Variants in MSRA observed in about 807,000 individuals in gnomAD.
MSRA encodes the protein mitochondrial peptide methionine sulfoxide reductase.
In MSRA, 54 loss-of-function variants were observed where a neutral mutation model predicts 31.3. That is an observed-to-expected ratio of 1.73 (90% CI 1.39 to 2.17). The LOEUF (loss-of-function observed/expected upper bound fraction) is 2.17. MSRA is among the 30% of genes most tolerant of loss of function. MSRA has a pLI of 0.00. For synonymous variants in MSRA, 169 were observed against 116.5 expected (o/e 1.45, Z -2.90); for missense variants, 507 against 300.9 (o/e 1.69, Z -5.07).
intron 4 of MSRA, among the ~76,000 whole-genome samples, chr8:10,305,430 T>TTC (rs1320519911): frequency 1.3e-4 from 16 of 125,742 alleles, no homozygotes; most frequent in African/African-American, 4.6e-4. Flanking sequence ...TTTTTTTTTT[T>TTC]CCGGATGGAG....
intron 5 of MSRA, among the ~76,000 whole-genome samples, chr8:10,362,544 G>C (rs1365365212): frequency 1.3e-5 from 2 of 150,808 alleles, no homozygotes; most frequent in Non-Finnish European, 2.9e-5. Flanking sequence ...AGGCCACTGA[G>C]ACATCTCTTT....
chr8:10,202,172 C>G (rs183700150), intron 1 of MSRA, among the ~76,000 whole-genome samples: 1 of 152,216 alleles, frequency 6.6e-6, no homozygotes, highest in South Asian at 2.1e-4. Context: ...CCACCCTTCC[C>G]CCATATCTTA....
At chr8:10,365,765 A>G (rs1467437351) in intron 5 of MSRA, among the ~76,000 whole-genome samples, 1 of 152,198 alleles carries the variant, frequency 6.6e-6, no homozygotes, top group African/African-American at 2.4e-5. Flanking sequence ...TCCTCTCATC[A>G]GGCCTCCTGG....
At chr8:10,082,188 G>C (rs530184288) in intron 1 of MSRA, among the ~76,000 whole-genome samples, 1 of 152,170 alleles carries the variant, frequency 6.6e-6, no homozygotes, top group African/African-American at 2.4e-5. Flanking sequence ...CTGGGTGGTA[G>C]TGTGAAACCC....
intron 3 of MSRA, among the ~76,000 whole-genome samples, chr8:10,280,210 T>A (rs1799545149): frequency 6.6e-6 from 1 of 152,168 alleles, no homozygotes; most frequent in Admixed American, 6.5e-5. Context: ...TCTGATCAAT[T>A]TTTTTGCCTT....
At chr8:10,173,267 C>A (rs1264296818) in intron 1 of MSRA, among the ~76,000 whole-genome samples, 2 of 152,248 alleles carry the variant, frequency 1.3e-5, no homozygotes, top group Admixed American at 1.3e-4. Context: ...TGTCTGCCTG[C>A]AGCCTTTGTT....
intron 5 of MSRA, among the ~76,000 whole-genome samples, chr8:10,354,122 T>C (rs950099390): frequency 6.6e-6 from 1 of 152,238 alleles, no homozygotes; most frequent in Non-Finnish European, 1.5e-5. Flanking sequence ...TATTTTTGAA[T>C]CTTTGGTTAG....
chr8:10,129,644 G>A (rs577157773), intron 1 of MSRA, among the ~76,000 whole-genome samples: 3 of 152,206 alleles, frequency 2.0e-5, no homozygotes, highest in African/African-American at 7.2e-5. Context: ...CAGATCAGAA[G>A]GGGTGGGAAT....
At chr8:10,373,166 CA>C (rs1400980703) in intron 5 of MSRA, among the ~76,000 whole-genome samples, 1 of 152,230 alleles carries the variant, frequency 6.6e-6, no homozygotes, top group Non-Finnish European at 1.5e-5. Flanking sequence ...GTAGGGATTA[CA>C]AGCGTGAGCC....
intron 1 of MSRA, among the ~76,000 whole-genome samples, chr8:10,071,542 T>A (rs560102456): frequency 1.3e-5 from 2 of 151,910 alleles, no homozygotes. Flanking sequence ...TTTCCTTTCA[T>A]GGATCATGTT....
chr8:10,330,838 G>C (rs143741677), intron 5 of MSRA, among the ~76,000 whole-genome samples: 1 of 152,158 alleles, frequency 6.6e-6, no homozygotes, highest in Non-Finnish European at 1.5e-5. Context: ...AGCCCGTTTT[G>C]TTGCCCCTTG....
At chr8:10,380,559 C>T (rs1234037996) in intron 5 of MSRA, among the ~76,000 whole-genome samples, 1 of 152,228 alleles carries the variant, frequency 6.6e-6, no homozygotes, top group Admixed American at 6.5e-5. Flanking sequence ...CTGGACTCTT[C>T]CAGGGACAGT....
At chr8:10,142,084 G>T (rs758828241) in intron 1 of MSRA, among the ~76,000 whole-genome samples, 1 of 152,142 alleles carries the variant, frequency 6.6e-6, no homozygotes, top group Non-Finnish European at 1.5e-5. Context: ...TCAGACTGCC[G>T]AGTAGCTGGG....
At chr8:10,095,691 C>T in intron 1 of MSRA, 1 of 1,028,576 alleles carries the variant, frequency 9.7e-7, no homozygotes, top group Non-Finnish European at 1.2e-6. Flanking sequence ...GAAAACCGTC[C>T]TGGGGTACAG....
chr8:10,283,786 G>A (rs530615283), intron 3 of MSRA, among the ~76,000 whole-genome samples: 1 of 122,266 alleles, frequency 8.2e-6, no homozygotes, highest in Admixed American at 8.6e-5. Context: ...TTTTTTGGTT[G>A]AGTAGTATTC....
chr8:10,165,802 C>G (rs1805074444), intron 1 of MSRA, among the ~76,000 whole-genome samples: 1 of 152,162 alleles, frequency 6.6e-6, no homozygotes, highest in African/African-American at 2.4e-5. Flanking sequence ...GGGTGAAAAG[C>G]TTGCTGACAA....
intron 2 of MSRA, among the ~76,000 whole-genome samples, chr8:10,240,837 G>A (rs13263803): frequency 0.29 from 42,924 of 146,074 alleles, 7,872 homozygotes; most frequent in Non-Finnish European, 0.43. Flanking sequence ...CCCACCCCCC[G>A]CACCCCCATC....
chr8:10,222,352 A>T (rs892296846), intron 2 of MSRA, among the ~76,000 whole-genome samples: 1 of 152,178 alleles, frequency 6.6e-6, no homozygotes, highest in Non-Finnish European at 1.5e-5. Context: ...TAGCTTGGCT[A>T]TTATCAAAAA....
intron 4 of MSRA, among the ~76,000 whole-genome samples, chr8:10,317,899 A>T (rs1489782562): frequency 6.6e-6 from 1 of 151,932 alleles, no homozygotes; most frequent in Non-Finnish European, 1.5e-5. Context: ...CTTTCCACGC[A>T]TCTCTGGTCC....
Sources: gnomAD v4.1 joint callset for allele counts (sites outside exome capture counted in the v4.1 genomes callset) on GRCh38, gnomAD v4.1.1 for gene constraint, MANE v1.5 for transcripts, NCBI Gene and HGNC (gene_info 2026-07-23, HGNC 2026-07-21) for gene names.